The following ASIC2 variants were observed in gnomAD, a reference collection of about 807,000 sequenced individuals.
ASIC2 encodes the protein acid-sensing ion channel 2.
Under a neutral mutation model 57.3 loss-of-function variants are expected in ASIC2, and 25 were observed. The observed-to-expected ratio is 0.44, with a 90% CI of 0.32 to 0.61. The LOEUF (loss-of-function observed/expected upper bound fraction) is 0.61. Ranked by LOEUF, ASIC2 falls within the 20% of genes least tolerant of loss-of-function variation. The pLI is 0.06. For synonymous variants in ASIC2, 319 were observed against 307.5 expected (o/e 1.04, Z -0.39); for missense variants, 641 against 738.1 (o/e 0.87, Z 1.52).
At chr17:33,169,824 C>A (rs577012358) in intron 1 of ASIC2, among the ~76,000 whole-genome samples, 1 of 152,302 alleles carries the variant, frequency 6.6e-6, no homozygotes, top group East Asian at 1.9e-4. Context: ...GGTCTCAGTA[C>A]ATTCCTAGCC....
intron 1 of ASIC2, among the ~76,000 whole-genome samples, chr17:33,775,989 C>T (rs548424548): frequency 3.3e-5 from 5 of 152,110 alleles, no homozygotes; most frequent in East Asian, 3.9e-4. Flanking sequence ...AAAAATTAGC[C>T]GGGTGTGGTG....
intron 1 of ASIC2, among the ~76,000 whole-genome samples, chr17:33,874,515 G>A (rs752400202): frequency 2.7e-4 from 41 of 152,170 alleles, no homozygotes; most frequent in African/African-American, 8.7e-4. Context: ...TCTTCCTGCC[G>A]TGTCCTCTTG....
At chr17:33,572,675 G>C (rs7215574) in intron 1 of ASIC2, among the ~76,000 whole-genome samples, 43,704 of 152,078 alleles carry the variant, frequency 0.29, 6,874 homozygotes, top group African/African-American at 0.39. Flanking sequence ...ATGACACCAG[G>C]CCCAGCCGCT....
intron 1 of ASIC2, among the ~76,000 whole-genome samples, chr17:34,149,104 TTTTTC>T (rs1904411900): frequency 7.6e-6 from 1 of 131,750 alleles, no homozygotes; most frequent in Non-Finnish European, 1.6e-5. Context: ...TTTTTTCTTT[TTTTTC>T]TTTTCTTTTT....
chr17:33,394,545 G>A (rs111478015), intron 1 of ASIC2, among the ~76,000 whole-genome samples: 53 of 152,320 alleles, frequency 3.5e-4, no homozygotes, highest in African/African-American at 1.3e-3. Context: ...AGAATAATGT[G>A]AGCAGGGTAT....
Position 33,254,143 on chromosome 17 carries a change from C to T in ASIC2, c.708+37265G>A, listed in dbSNP as rs934403725. Among the ~76,000 whole-genome samples, 5 of 152,166 alleles carry T rather than the reference C, an allele frequency of 3.3e-5. No individual in the cohort carries two copies. The East Asian group carries it at 7.7e-4, about 23-fold the overall frequency. ...CCACCAGCTAAGAACATCAGAACTGCTAAGGAGGCTCAGGCAACTATTCCA... is the reference window on the plus strand; with the variant it reads ...CCACCAGCTAAGAACATCAGAACTGTTAAGGAGGCTCAGGCAACTATTCCA... On this transcript the variant is annotated intron_variant, in intron 1 of 9. Coordinates refer to ENST00000225823, the MANE Select transcript of ASIC2 (RefSeq NM_183377.2).
At chr17:33,903,475 A>G (rs7217075) in intron 1 of ASIC2, among the ~76,000 whole-genome samples, 4 of 152,254 alleles carry the variant, frequency 2.6e-5, no homozygotes, top group African/African-American at 9.6e-5. Flanking sequence ...AAAACACTGC[A>G]TGCTTTCTTT....
At chr17:33,454,223 A>G (rs534323645) in intron 1 of ASIC2, among the ~76,000 whole-genome samples, 1 of 152,344 alleles carries the variant, frequency 6.6e-6, no homozygotes, top group African/African-American at 2.4e-5. Context: ...GGAAGTAAAG[A>G]GACAGGAAGA....
intron 1 of ASIC2, 88 bp downstream of exon 1, chr17:33,291,320 G>T: frequency 6.8e-7 from 1 of 1,479,614 alleles, no homozygotes; most frequent in East Asian, 2.4e-5. Context: ...GAGGCCTGGG[G>T]ACAGCCCCGA....
Position 33,291,410 on chromosome 17 carries a change from A to G in ASIC2, c.706T>C (p.Ser236Pro). The G allele has an allele frequency of 6.3e-7, 1 of 1,597,038 alleles. No individual in the cohort carries two copies. The highest frequency in any genetic ancestry group is 1.3e-5 in the African/African-American group (1 of 74,688). Residue 236 changes from serine to proline, a missense_variant and splice_region_variant, in exon 1 of 10, where the codon TCC (serine) becomes CCC (proline). Physicochemically the swap from Ser to Pro is moderately conservative, Grantham distance 74. Around this residue, in one of 3 missense-constraint regions of ASIC2, gnomAD observed 382 missense variants for 398.0 expected, o/e 0.96. Transcript: ENST00000225823. ...GELCGPHNFS[S>P]VFTKYGKCYM... ...GGTTCGCGCGGAGGGCAACTCACGG[A>G]GGAGAAGTTGTGCGGCCCGCAGAGC...
intron 1 of ASIC2, among the ~76,000 whole-genome samples, chr17:33,997,458 A>G (rs1467982549): frequency 1.3e-5 from 2 of 151,708 alleles, no homozygotes; most frequent in Non-Finnish European, 2.9e-5. Context: ...CTGGCTCTAC[A>G]TTTATTTCTT....
chr17:33,903,381 A>T (rs1163831317), intron 1 of ASIC2, among the ~76,000 whole-genome samples: 1 of 152,234 alleles, frequency 6.6e-6, no homozygotes. Context: ...AACATTTTCC[A>T]AAATGTGTTT....
rs1330876816 is a variant in ASIC2, at chr17:33,170,434, A to G, written c.709-58367T>C. Among the ~76,000 whole-genome samples the G allele has an allele frequency of 2.0e-5, 3 of 152,206 alleles. No homozygotes were observed. The East Asian group carries it at 5.8e-4, about 29-fold the overall frequency. ...AGATGTGAGAGTGGGAGGTCAGACA[A>G]AGATAAAGGCACAAGTAGGAAAAAA... On this transcript the variant is annotated intron_variant, in intron 1 of 9. Coordinates refer to ENST00000225823, the MANE Select transcript of ASIC2 (RefSeq NM_183377.2).
At chr17:33,505,941 G>A (rs1427578469) in intron 1 of ASIC2, among the ~76,000 whole-genome samples, 3 of 152,082 alleles carry the variant, frequency 2.0e-5, no homozygotes, top group Non-Finnish European at 4.4e-5. Context: ...TGGACTTCAA[G>A]CTCCTTGAAA....
intron 1 of ASIC2, among the ~76,000 whole-genome samples, chr17:34,076,709 T>G (rs1391092853): frequency 1.3e-5 from 2 of 152,162 alleles, no homozygotes; most frequent in African/African-American, 4.8e-5. Flanking sequence ...TTTTGTCTGG[T>G]GCAGAGCTAG....
intron 1 of ASIC2, among the ~76,000 whole-genome samples, chr17:33,797,333 C>T (rs183525202): frequency 6.1e-4 from 93 of 152,184 alleles, no homozygotes; most frequent in African/African-American, 2.0e-3. Context: ...GTCAGGGAAA[C>T]GTCTGGCATG....
At chr17:33,159,905 A>G (rs1905113807) in intron 1 of ASIC2, among the ~76,000 whole-genome samples, 1 of 152,220 alleles carries the variant, frequency 6.6e-6, no homozygotes, top group Non-Finnish European at 1.5e-5. Flanking sequence ...AATGCCTGGC[A>G]CATAGAAAAT....
chr17:34,099,585 GGAAA>G (rs1194249620), intron 1 of ASIC2, among the ~76,000 whole-genome samples: 9 of 124,754 alleles, frequency 7.2e-5, no homozygotes, highest in East Asian at 4.7e-4. Flanking sequence ...AAAGAAGGAA[GGAAA>G]GAAAGAGAAA....
intron 1 of ASIC2, among the ~76,000 whole-genome samples, chr17:33,715,456 A>C (rs187341846): frequency 6.6e-6 from 1 of 152,204 alleles, no homozygotes; most frequent in Non-Finnish European, 1.5e-5. Context: ...TGAGACAAGC[A>C]CAAAGAGGAT....
Sources: allele counts gnomAD v4.1 joint callset (sites outside exome capture counted in the v4.1 genomes callset), GRCh38; gene constraint gnomAD v4.1.1; regional missense constraint gnomAD v4.1.1; transcripts MANE v1.5; gene names NCBI Gene and HGNC (gene_info 2026-07-23, HGNC 2026-07-21).